Variants in SOX5 observed in about 807,000 individuals in gnomAD.
SOX5 encodes the protein transcription factor SOX-5.
Under a neutral mutation model 92.0 loss-of-function variants are expected in SOX5, and 9 were observed. The ratio of observed to expected loss-of-function variants is 0.10; its 90% confidence interval spans 0.06 to 0.17. SOX5 has a LOEUF of 0.17. Among genes scored for constraint, SOX5 ranks in the 10% least tolerant of loss-of-function variants. The pLI is 1.00. For synonymous variants in SOX5, 344 were observed against 336.3 expected (o/e 1.02, Z -0.25); for missense variants, 642 against 944.5 (o/e 0.68, Z 4.20).
At chr12:23,901,500 C>T (rs914132818) in intron 1 of SOX5, among the ~76,000 whole-genome samples, 4 of 152,278 alleles carry the variant, frequency 2.6e-5, no homozygotes, top group African/African-American at 9.6e-5. Context: ...AATCCTCCTA[C>T]CCTAGACATA....
intron 4 of SOX5, among the ~76,000 whole-genome samples, chr12:23,997,735 C>A (rs555601149): frequency 2.4e-4 from 36 of 152,224 alleles, no homozygotes; most frequent in African/African-American, 8.4e-4. Flanking sequence ...AGTGTTTAAG[C>A]AAAACCTCTG....
At chr12:23,564,160 A>G (rs1946677487) in intron 10 of SOX5, among the ~76,000 whole-genome samples, 1 of 152,202 alleles carries the variant, frequency 6.6e-6, no homozygotes, top group African/African-American at 2.4e-5. Context: ...CATGGTTAGT[A>G]ATACACACTA....
At chr12:24,366,878 G>A (rs1956225999) in intron 2 of SOX5, among the ~76,000 whole-genome samples, 1 of 151,732 alleles carries the variant, frequency 6.6e-6, no homozygotes. Flanking sequence ...ACACAATGCA[G>A]GATTATTTTC....
At chr12:24,270,363 T>C (rs1349103644) in intron 3 of SOX5, among the ~76,000 whole-genome samples, 1 of 152,154 alleles carries the variant, frequency 6.6e-6, no homozygotes, top group South Asian at 2.1e-4. Context: ...TGGCCTAATG[T>C]GGGGAACTCT....
chr12:23,923,150 T>G (rs1319772543), intron 1 of SOX5, among the ~76,000 whole-genome samples: 1 of 152,116 alleles, frequency 6.6e-6, no homozygotes, highest in Non-Finnish European at 1.5e-5. Context: ...TTTCACCGTG[T>G]TAGCCAGGAT....
chr12:23,675,879 G>A (rs1463658985), intron 6 of SOX5, among the ~76,000 whole-genome samples: 2 of 152,032 alleles, frequency 1.3e-5, no homozygotes, highest in African/African-American at 4.8e-5. Context: ...ACATAAAAAT[G>A]GCCAATAGGT....
intron 12 of SOX5, 100 bp downstream of exon 12, chr12:23,546,216 G>A: frequency 4.3e-6 from 3 of 693,772 alleles, no homozygotes; most frequent in South Asian, 1.7e-5. Context: ...TAATGATGAG[G>A]TATGAGGTGG....
chr12:24,556,945 A>G (rs1400634566), intron 1 of SOX5, among the ~76,000 whole-genome samples: 1 of 152,196 alleles, frequency 6.6e-6, no homozygotes, highest in Non-Finnish European at 1.5e-5. Flanking sequence ...AATGATCAGA[A>G]CCTAGACTCG....
chr12:24,400,594 T>C (rs147643807), intron 1 of SOX5, among the ~76,000 whole-genome samples: 3 of 152,340 alleles, frequency 2.0e-5, no homozygotes, highest in Admixed American at 2.0e-4. Flanking sequence ...CATTAACAGA[T>C]GAAATTTAGA....
At chr12:24,159,548 A>C (rs1952538085) in intron 4 of SOX5, among the ~76,000 whole-genome samples, 1 of 151,986 alleles carries the variant, frequency 6.6e-6, no homozygotes, top group African/African-American at 2.4e-5. Context: ...TTTCCCAATG[A>C]ACTCATTATC....
At chr12:24,017,197 C>T (rs1347935642) in intron 4 of SOX5, among the ~76,000 whole-genome samples, 2 of 152,156 alleles carry the variant, frequency 1.3e-5, no homozygotes, top group Non-Finnish European at 2.9e-5. Context: ...CATATAAGGT[C>T]CTCTTTATCC....
chr12:23,565,658 T>C (rs1946946083), intron 10 of SOX5, among the ~76,000 whole-genome samples: 1 of 152,218 alleles, frequency 6.6e-6, no homozygotes, highest in Non-Finnish European at 1.5e-5. Context: ...AATGGTTATT[T>C]CCAATTTGAG....
At chr12:24,216,167 G>C (rs533463347) in intron 3 of SOX5, among the ~76,000 whole-genome samples, 24 of 152,314 alleles carry the variant, frequency 1.6e-4, no homozygotes, top group African/African-American at 5.5e-4. Flanking sequence ...ATAGCCTACA[G>C]GATGGGGGAG....
At chr12:24,072,775 T>C (rs954596733) in intron 4 of SOX5, among the ~76,000 whole-genome samples, 1 of 152,218 alleles carries the variant, frequency 6.6e-6, no homozygotes, top group African/African-American at 2.4e-5. Flanking sequence ...AAATTAGCTA[T>C]AAAAATATCA....
chr12:24,298,339 G>A (rs2140596806), intron 2 of SOX5, among the ~76,000 whole-genome samples: 1 of 152,316 alleles, frequency 6.6e-6, no homozygotes, highest in South Asian at 2.1e-4. Flanking sequence ...AAAGTGCTGG[G>A]ATTACAGGCG....
At chr12:23,909,150 A>G (rs1001517779) in intron 1 of SOX5, among the ~76,000 whole-genome samples, 2 of 152,178 alleles carry the variant, frequency 1.3e-5, no homozygotes, top group Admixed American at 1.3e-4. Context: ...CAAGATTTGC[A>G]TTATATTTCA....
intron 9 of SOX5, among the ~76,000 whole-genome samples, chr12:23,580,313 G>C (rs901563253): frequency 6.6e-6 from 1 of 151,958 alleles, no homozygotes; most frequent in Non-Finnish European, 1.5e-5. Flanking sequence ...TATAACTTCT[G>C]AAATTCAGTC....
intron 1 of SOX5, among the ~76,000 whole-genome samples, chr12:24,507,905 T>C (rs1948954178): frequency 6.6e-6 from 1 of 152,238 alleles, no homozygotes; most frequent in African/African-American, 2.4e-5. Context: ...CATAATTTTT[T>C]TTTTAGTTTT....
intron 3 of SOX5, among the ~76,000 whole-genome samples, chr12:23,800,976 C>T (rs2095649902): frequency 6.6e-6 from 1 of 152,092 alleles, no homozygotes; most frequent in Admixed American, 6.6e-5. Context: ...TTGAAACAAC[C>T]AGTAGTAGCG....
Sources: gnomAD v4.1 joint callset for allele counts (sites outside exome capture counted in the v4.1 genomes callset) on GRCh38, gnomAD v4.1.1 for gene constraint, MANE v1.5 for transcripts, NCBI Gene and HGNC (gene_info 2026-07-23, HGNC 2026-07-21) for gene names.